Variants in TNFSF4 observed in about 807,000 individuals in gnomAD.
TNFSF4 encodes the protein TNF superfamily member 4, also known as tumor necrosis factor ligand superfamily member 4.
Under a neutral mutation model 7.3 loss-of-function variants are expected in TNFSF4, and 4 were observed. The observed-to-expected ratio is 0.55, with a 90% CI of 0.27 to 1.25. The LOEUF is 1.25. Among genes scored for constraint, TNFSF4 ranks in the 50% most tolerant of loss-of-function variants. The pLI is 0.12. For synonymous variants in TNFSF4, 76 were observed against 83.7 expected (o/e 0.91, Z 0.50); for missense variants, 181 against 208.8 (o/e 0.87, Z 0.82).
At chr1:173,413,945 A>G in the TNFSF4 span, among the ~76,000 whole-genome samples, 1 of 152,288 alleles carries the variant, frequency 6.6e-6, no homozygotes. Flanking sequence ...CCACACCATC[A>G]TATGGTCACA....
chr1:173,291,332 C>A, the TNFSF4 span, among the ~76,000 whole-genome samples: 1 of 152,082 alleles, frequency 6.6e-6, no homozygotes, highest in Non-Finnish European at 1.5e-5. Flanking sequence ...CCCTTATGAT[C>A]CAATCACCTC....
At chr1:173,174,851 T>A in the TNFSF4 span, among the ~76,000 whole-genome samples, 5,132 of 152,256 alleles carry the variant, frequency 0.034, 272 homozygotes, top group African/African-American at 0.12. Context: ...TCTATAGAAT[T>A]TTCAATAATG....
chr1:173,347,075 C>T, the TNFSF4 span, among the ~76,000 whole-genome samples: 1 of 152,232 alleles, frequency 6.6e-6, no homozygotes, highest in East Asian at 1.9e-4. Flanking sequence ...AAGTTTTTTG[C>T]ATACTTGTGA....
the TNFSF4 span, among the ~76,000 whole-genome samples, chr1:173,173,532 G>A: frequency 5.9e-5 from 9 of 152,246 alleles, no homozygotes; most frequent in African/African-American, 2.2e-4. Flanking sequence ...GTCCATGAGG[G>A]CTCCACCCCT....
the TNFSF4 span, among the ~76,000 whole-genome samples, chr1:173,273,008 G>A: frequency 9.2e-5 from 14 of 152,062 alleles, no homozygotes; most frequent in Admixed American, 5.9e-4. Context: ...CTGTGTAAGC[G>A]GAATCAGTTA....
chr1:173,360,198 G>T, the TNFSF4 span, among the ~76,000 whole-genome samples: 1 of 152,216 alleles, frequency 6.6e-6, no homozygotes, highest in Non-Finnish European at 1.5e-5. Context: ...TTGCTTAAAA[G>T]TGTCTATTGA....
chr1:173,363,619 G>T, the TNFSF4 span: 1 of 421,116 alleles, frequency 2.4e-6, no homozygotes, highest in Non-Finnish European at 4.7e-6. Context: ...CTTAAGGAAA[G>T]GCTTATCGGA....
the TNFSF4 span, among the ~76,000 whole-genome samples, chr1:173,176,133 C>T: frequency 1.3e-5 from 2 of 151,962 alleles, no homozygotes; most frequent in African/African-American, 2.4e-5. Context: ...GGTGTAATTG[C>T]TTTTTTTGTG....
At chr1:173,371,581 T>C in the TNFSF4 span, among the ~76,000 whole-genome samples, 1 of 152,090 alleles carries the variant, frequency 6.6e-6, no homozygotes, top group Admixed American at 6.5e-5. Flanking sequence ...CAGGATATTG[T>C]CAGACATTTA....
the TNFSF4 span, among the ~76,000 whole-genome samples, chr1:173,246,037 G>T: frequency 6.6e-6 from 1 of 152,178 alleles, no homozygotes; most frequent in Admixed American, 6.5e-5. Flanking sequence ...GAATAGTGTT[G>T]CAATAAACAT....
the TNFSF4 span, among the ~76,000 whole-genome samples, chr1:173,445,830 C>G: frequency 6.6e-6 from 1 of 151,962 alleles, no homozygotes; most frequent in Non-Finnish European, 1.5e-5. Context: ...TAGCACAGGC[C>G]CAGGCTTAAC....
the TNFSF4 span, among the ~76,000 whole-genome samples, chr1:173,176,098 A>T: frequency 1.3e-5 from 2 of 152,166 alleles, no homozygotes; most frequent in African/African-American, 4.8e-5. Context: ...GTGTATCAAA[A>T]AGTTGTGGAC....
the TNFSF4 span, among the ~76,000 whole-genome samples, chr1:173,429,590 G>A: frequency 4.6e-5 from 7 of 152,200 alleles, no homozygotes; most frequent in African/African-American, 1.7e-4. Flanking sequence ...CTGAGCACAG[G>A]CTACGCCACA....
the TNFSF4 span, among the ~76,000 whole-genome samples, chr1:173,384,043 C>T: frequency 2.0e-5 from 3 of 152,184 alleles, no homozygotes; most frequent in Non-Finnish European, 4.4e-5. Context: ...ATATTAGCCA[C>T]TTCATGTAAG....
the TNFSF4 span, among the ~76,000 whole-genome samples, chr1:173,343,959 T>C: frequency 3.9e-5 from 6 of 152,186 alleles, no homozygotes; most frequent in Admixed American, 3.9e-4. Flanking sequence ...AATGACAATA[T>C]CTGGCAACTT....
chr1:173,277,830 T>C, the TNFSF4 span, among the ~76,000 whole-genome samples: 12 of 152,140 alleles, frequency 7.9e-5, 1 homozygote, highest in Admixed American at 7.9e-4. Context: ...ACGAGAGTCC[T>C]GGTCAGTCTG....
the TNFSF4 span, among the ~76,000 whole-genome samples, chr1:173,350,476 T>A: frequency 1.3e-5 from 2 of 152,218 alleles, no homozygotes; most frequent in African/African-American, 4.8e-5. Context: ...TCTCTATGTT[T>A]AAACTATTCC....
At chr1:173,200,014 A>G (rs1649875871) in intron 1 of TNFSF4, among the ~76,000 whole-genome samples, 1 of 152,234 alleles carries the variant, frequency 6.6e-6, no homozygotes, top group Non-Finnish European at 1.5e-5. Context: ...TTTGTTGATT[A>G]TGTTATCTAC....
the TNFSF4 span, among the ~76,000 whole-genome samples, chr1:173,240,347 C>T: frequency 3.3e-5 from 5 of 152,142 alleles, no homozygotes; most frequent in African/African-American, 1.2e-4. Context: ...TAGACATTCT[C>T]TTTCCAATAC....
Sources: gnomAD v4.1 joint callset for allele counts (sites outside exome capture counted in the v4.1 genomes callset) on GRCh38, gnomAD v4.1.1 for gene constraint, MANE v1.5 for transcripts, NCBI Gene and HGNC (gene_info 2026-07-23, HGNC 2026-07-21) for gene names.